THNSL1: variants seen among roughly 807,000 people sequenced by gnomAD.
THNSL1 encodes the protein threonine synthase like 1.
Under a neutral mutation model 50.4 loss-of-function variants are expected in THNSL1, and 48 were observed. That is an observed-to-expected ratio of 0.95 (90% CI 0.76 to 1.21). The LOEUF is 1.21. Ranked by LOEUF, THNSL1 falls within the 50% of genes most tolerant of loss-of-function variation. The probability of loss-of-function intolerance (pLI) is 0.00; values close to 1 mark genes in which losing one functional copy is unlikely to be tolerated. For missense variants in THNSL1, 896 were observed against 871.7 expected (o/e 1.03, Z -0.35); for synonymous variants, 309 against 306.1 (o/e 1.01, Z -0.10).
Position 25,023,163 on chromosome 10 carries a change from G to T in THNSL1, c.-48-13G>T. ...TCTTTTGTTGTTTTTTGTTTGTTTT[G>T]TGTTTTGAAAAGGGCTAAAGCCAAT... On this transcript the variant is annotated splice_polypyrimidine_tract_variant and intron_variant, in intron 2 of 2. Transcript: ENST00000376356. 5 of 1,494,984 alleles carry T rather than the reference G, an allele frequency of 3.3e-6. No homozygotes were observed. The highest frequency in any genetic ancestry group is 4.5e-5 in the Admixed American group (2 of 44,848). 92.6% of individuals were successfully genotyped at this position (1,494,984 alleles called of 1,614,324 possible). A position where few individuals can be genotyped will look rare whatever the true frequency, so the allele number is the denominator to read the frequency against.
chr10:25,022,774 T>C (rs1469063011), intron 2 of THNSL1, among the ~76,000 whole-genome samples: 1 of 152,202 alleles, frequency 6.6e-6, no homozygotes, highest in Non-Finnish European at 1.5e-5. Flanking sequence ...CAAATCATCT[T>C]TATATGTGAT....
In THNSL1 at chr10:25,024,101, A is replaced by T. The variant is rs1165011630; in HGVS notation, c.878A>T (p.Gln293Leu). The T allele has an allele frequency of 6.8e-6, 11 of 1,614,114 alleles. No homozygotes were observed. The highest frequency in any genetic ancestry group is 9.3e-6 in the Non-Finnish European group (11 of 1,180,040). ...GGAGCAACCTACGTAGAAAGAGCAC[A>T]GATACTGTTGGAAAGATGTATCCAT... ...LVGATYVERA[Q>L]ILLERCIHPA... is the part of the protein sequence containing the mutation. Residue 293 changes from glutamine (Q) to leucine (L), a missense_variant, in exon 3 of 3, where the codon CAG (glutamine) becomes CTG (leucine). Physicochemically the swap from Gln to Leu is moderately radical, Grantham distance 113 (BLOSUM62 -2). Coordinates refer to ENST00000376356, the MANE Select transcript of THNSL1 (RefSeq NM_024838.5).
chr10:25,011,013 T>C, the THNSL1 span, among the ~76,000 whole-genome samples: 78 of 147,054 alleles, frequency 5.3e-4, no homozygotes, highest in African/African-American at 2.0e-3. Context: ...CCCTGAGGAA[T>C]CGCCACACTG....
the THNSL1 span, among the ~76,000 whole-genome samples, chr10:24,985,808 C>T: frequency 6.6e-6 from 1 of 152,148 alleles, no homozygotes; most frequent in East Asian, 1.9e-4. Flanking sequence ...AAAAGCAAAA[C>T]AGAAAGTGCA....
At chr10:24,988,702 A>ATGTATG in the THNSL1 span, among the ~76,000 whole-genome samples, 1 of 41,192 alleles carries the variant, frequency 2.4e-5, no homozygotes, top group Admixed American at 3.1e-4. Context: ...ATATATATAT[A>ATGTATG]TATATATATA....
At chr10:25,018,659 GTTTTTTTTTTTT>G (rs374289213) in intron 1 of THNSL1, among the ~76,000 whole-genome samples, 1 of 93,716 alleles carries the variant, frequency 1.1e-5, no homozygotes, top group Non-Finnish European at 2.2e-5. Context: ...AATGAGAGTT[GTTTTTTTTTTTT>G]TTTTTTTTGC....
chr10:25,008,276 T>C, the THNSL1 span, among the ~76,000 whole-genome samples: 1 of 152,176 alleles, frequency 6.6e-6, no homozygotes, highest in South Asian at 2.1e-4. Flanking sequence ...TAGTCTAGAC[T>C]TTCTTTGAAT....
In THNSL1 at chr10:25,024,130, G is replaced by T. The variant is rs116200992; in HGVS notation, c.907G>T (p.Ala303Ser). ...ACTGTTGGAAAGATGTATCCATCCT[G>T]CAGACATACCTGCTGCCAGGTTGGG... Reference protein sequence around the residue: ...QILLERCIHPADIPAARLGEM... With the variant: ...QILLERCIHPSDIPAARLGEM... Residue 303 changes from alanine to serine, a missense_variant, in exon 3 of 3, where the codon GCA (alanine) becomes TCA (serine). Coordinates refer to ENST00000376356, the MANE Select transcript of THNSL1 (RefSeq NM_024838.5). 1.0e-3 allele frequency: 1,647 copies of T among 1,614,186 alleles called. 14 individuals are homozygous for T. In the African/African-American group the frequency reaches 0.018, roughly 17 times the overall value.
At chr10:24,958,163 C>T in the THNSL1 span, among the ~76,000 whole-genome samples, 14 of 151,124 alleles carry the variant, frequency 9.3e-5, no homozygotes, top group Admixed American at 3.3e-4. Flanking sequence ...GCAGTTAATT[C>T]TTTCTGAGTC....
At chr10:24,989,595 A>T in the THNSL1 span, among the ~76,000 whole-genome samples, 8 of 152,356 alleles carry the variant, frequency 5.3e-5, no homozygotes, top group South Asian at 6.2e-4. Flanking sequence ...CAGATATTTT[A>T]AAAAATCTTA....
At chr10:24,969,304 T>C in the THNSL1 span, among the ~76,000 whole-genome samples, 1 of 152,244 alleles carries the variant, frequency 6.6e-6, no homozygotes, top group Non-Finnish European at 1.5e-5. Context: ...AAGTCATGTT[T>C]GCTCAGGATG....
upstream of THNSL1, chr10:25,016,156 TG>T: frequency 8.3e-7 from 1 of 1,209,844 alleles, no homozygotes. Context: ...CGTCGTTGAC[TG>T]TGCGGTTGCC....
the THNSL1 span, among the ~76,000 whole-genome samples, chr10:24,959,881 T>A: frequency 6.6e-6 from 1 of 152,236 alleles, no homozygotes; most frequent in South Asian, 2.1e-4. Context: ...TATTTTCTCT[T>A]CGTAAAAATA....
the THNSL1 span, among the ~76,000 whole-genome samples, chr10:24,963,592 A>G: frequency 1.3e-5 from 2 of 152,206 alleles, no homozygotes; most frequent in East Asian, 3.8e-4. Context: ...ATTCTTAGAG[A>G]CATTACACAT....
At chr10:25,019,725 C>T (rs901887677) in intron 1 of THNSL1, among the ~76,000 whole-genome samples, 1 of 152,162 alleles carries the variant, frequency 6.6e-6, no homozygotes, top group Non-Finnish European at 1.5e-5. Context: ...ATCCAATATC[C>T]CTCTCAATGC....
chr10:24,969,997 C>T, the THNSL1 span, among the ~76,000 whole-genome samples: 3 of 152,224 alleles, frequency 2.0e-5, no homozygotes, highest in Non-Finnish European at 4.4e-5. Flanking sequence ...TGTTGTTGCT[C>T]CCCCATGAGA....
chr10:24,999,408 T>C, the THNSL1 span: 4 of 1,606,862 alleles, frequency 2.5e-6, no homozygotes, highest in African/African-American at 2.7e-5. Context: ...TACTGGGTGG[T>C]AGAGTTTTTT....
At chr10:25,020,657 C>T (rs955742202) in intron 1 of THNSL1, among the ~76,000 whole-genome samples, 1 of 151,728 alleles carries the variant, frequency 6.6e-6, no homozygotes, top group African/African-American at 2.4e-5. Flanking sequence ...GGGAGGATCA[C>T]CTGAGCCCAG....
chr10:25,023,462 G>C lies in THNSL1; in HGVS notation c.239G>C (p.Gly80Ala), dbSNP rs1470095725. 6.2e-7 allele frequency: 1 copy of C among 1,613,974 alleles called. No homozygotes were observed. Among genetic ancestry groups the C allele is most frequent in the Non-Finnish European group, 8.5e-7 (1 of 1,179,992 alleles). The change falls in exon 3 of 3, where the codon GGT becomes GCT. Residue 80 changes from glycine to alanine, a missense_variant. By Grantham distance (60) the Gly-to-Ala change is moderately conservative. Coordinates refer to ENST00000376356, the MANE Select transcript of THNSL1 (RefSeq NM_024838.5). Reference sequence around the variant, plus strand: ...GGCAGAATAATAGGTCAGAAACTAGGTTGTTGTGTCATAGATGTGGATGAT... The same window carrying C: ...GGCAGAATAATAGGTCAGAAACTAGCTTGTTGTGTCATAGATGTGGATGAT... ...TVGRIIGQKL[G>A]CCVIDVDDDI...
Sources: allele counts gnomAD v4.1 joint callset (sites outside exome capture counted in the v4.1 genomes callset), GRCh38; gene constraint gnomAD v4.1.1; transcripts MANE v1.5; gene names NCBI Gene and HGNC (gene_info 2026-07-23, HGNC 2026-07-21).